GYPB: variants seen among roughly 807,000 people sequenced by gnomAD.
GYPB encodes the protein glycophorin B (MNS blood group), also known as glycophorin-B.
A neutral mutation model predicts 15.3 loss-of-function variants in GYPB; 13 were observed. The observed-to-expected ratio is 0.85, with a 90% CI of 0.55 to 1.35. The LOEUF (loss-of-function observed/expected upper bound fraction) is 1.35. GYPB is among the 40% of genes most tolerant of loss of function. The probability of loss-of-function intolerance (pLI) is 0.00; values close to 1 mark genes in which losing one functional copy is unlikely to be tolerated. For synonymous variants in GYPB, 38 were observed against 36.9 expected (o/e 1.03, Z -0.11); for missense variants, 131 against 108.3 (o/e 1.21, Z -0.93).
intron 1 of GYPB, among the ~76,000 whole-genome samples, chr4:144,010,838 G>C (rs904502096): frequency 2.0e-5 from 3 of 151,394 alleles, no homozygotes; most frequent in African/African-American, 7.4e-5. Context: ...TTCTGAGAGA[G>C]AATGCTTTCA....
chr4:144,009,775 G>A (rs1167229737), intron 1 of GYPB, among the ~76,000 whole-genome samples: 5 of 149,440 alleles, frequency 3.3e-5, no homozygotes, highest in African/African-American at 5.1e-5. Context: ...CACCAAGCCC[G>A]GCTAATTTTT....
intron 1 of GYPB, among the ~76,000 whole-genome samples, chr4:144,013,070 G>C (rs1025477310): frequency 1.3e-5 from 2 of 151,552 alleles, no homozygotes; most frequent in Admixed American, 1.3e-4. Context: ...TCTTTATCCA[G>C]AACATAGAAA....
intron 1 of GYPB, among the ~76,000 whole-genome samples, chr4:144,009,588 A>AT (rs1418008684): frequency 1.2e-5 from 1 of 81,758 alleles, no homozygotes; most frequent in African/African-American, 4.6e-5. Context: ...TATTATTTTG[A>AT]TTTTTTTTCT....
At chr4:144,006,331 T>C (rs1301349917) in intron 1 of GYPB, among the ~76,000 whole-genome samples, 1 of 151,964 alleles carries the variant, frequency 6.6e-6, no homozygotes, top group Non-Finnish European at 1.5e-5. Context: ...CTTATCCCCA[T>C]GTGTTGGGGG....
intron 1 of GYPB, chr4:144,008,338 C>T: frequency 4.4e-6 from 2 of 451,900 alleles, no homozygotes; most frequent in Non-Finnish European, 8.9e-6. Context: ...CTCAAGCAAG[C>T]CTTCACTTCA....
In GYPB at chr4:143,996,289, G is replaced by A; in HGVS notation, c.*10C>T. 1 of 1,550,936 alleles carries A rather than the reference G, an allele frequency of 6.4e-7. No homozygotes were observed. The highest frequency in any genetic ancestry group is 8.7e-7 in the Non-Finnish European group (1 of 1,147,284). ...TCTAGGCAAGATCAGGCAGCATGCA[G>A]GCCACATCCTCATGCCTGTGATAAA... On this transcript the variant is annotated 3_prime_UTR_variant, in exon 5 of 5. Transcript: ENST00000502664.
Position 143,997,578 on chromosome 4 carries a change from T to C in GYPB, c.232A>G (p.Ile78Val). The C allele has an allele frequency of 6.2e-7, 1 of 1,601,284 alleles. No individual in the cohort carries two copies. The highest frequency in any genetic ancestry group is 8.5e-7 in the Non-Finnish European group (1 of 1,170,528). ...LCVMAGIIGT[I>V]LLISYSIRRL... is the part of the protein sequence containing the mutation. ...CGAATACTGTAAGAAATTAAGAGGA[T>C]CGTTCCAATAATACCAGCCATCACA... Residue 78 changes from isoleucine to valine, a missense_variant, in exon 4 of 5, where the codon ATC (isoleucine) becomes GTC (valine). Transcript: ENST00000502664.
chr4:144,009,881 G>A (rs2149965624), intron 1 of GYPB, among the ~76,000 whole-genome samples: 1 of 150,706 alleles, frequency 6.6e-6, no homozygotes, highest in Admixed American at 6.6e-5. Context: ...CCAAAGTGAT[G>A]GGATTACAGG....
chr4:143,995,331 C>T (rs1471332876), downstream of GYPB, among the ~76,000 whole-genome samples: 2 of 151,412 alleles, frequency 1.3e-5, no homozygotes, highest in Non-Finnish European at 1.5e-5. Flanking sequence ...CAATCTCTTA[C>T]TGCTCACTTA....
intron 2 of GYPB, 137 bp from the exon 3 acceptor site, chr4:143,999,586 T>G (rs1371715279): frequency 1.0e-5 from 6 of 601,324 alleles, no homozygotes; most frequent in South Asian, 2.0e-5. Context: ...TTTCAACATC[T>G]AGCTAGTAAC....
At chr4:144,014,600 A>G (rs200319470) in intron 1 of GYPB, among the ~76,000 whole-genome samples, 69 of 151,186 alleles carry the variant, frequency 4.6e-4, no homozygotes, top group Non-Finnish European at 8.5e-4. Context: ...GAGGTAGAAA[A>G]CAAATTAGTG....
intron 1 of GYPB, chr4:144,008,291 G>A (rs1447623395): frequency 1.2e-5 from 5 of 433,164 alleles, no homozygotes; most frequent in Non-Finnish European, 2.3e-5. Flanking sequence ...TTGTCATTGA[G>A]AGATTAAATT....
chr4:144,004,377 T>A (rs1465666288), intron 1 of GYPB, among the ~76,000 whole-genome samples: 4 of 151,974 alleles, frequency 2.6e-5, no homozygotes, highest in Non-Finnish European at 4.4e-5. Context: ...ATACCCATGC[T>A]TGCTTAGTGG....
At chr4:144,003,094 G>A (rs116158479) in intron 1 of GYPB, among the ~76,000 whole-genome samples, 2,038 of 151,232 alleles carry the variant, frequency 0.013, 159 homozygotes, top group African/African-American at 0.048. Flanking sequence ...ACAAATTTTA[G>A]GATTAAAATT....
rs1389711333 is a variant in GYPB, at chr4:144,015,197, C to T, written c.37+4054G>A. 5.3e-5 allele frequency among the ~76,000 whole-genome samples: 8 copies of T among 151,190 alleles called. No individual in the cohort carries two copies. The East Asian group carries it at 1.5e-3, about 29-fold the overall frequency. Reference sequence around the variant, plus strand: ...TGATTATATTATATGGTTCTCTTTGCAGAAAATTTAGAAAGTATTCAAAAT... The same window carrying T: ...TGATTATATTATATGGTTCTCTTTGTAGAAAATTTAGAAAGTATTCAAAAT... On this transcript the variant is annotated intron_variant, in intron 1 of 4. Transcript: ENST00000502664.
At position 144,009,687 on chromosome 4, in the gene GYPB, C is replaced by G. The variant is rs187080387; in HGVS notation, c.38-8404G>C. ...GGAGTGCAGTGGCCCGATCTCCGCT[C>G]ACTGCAAACTCCGCCTCCCGGGTTC... On this transcript the variant is annotated intron_variant, in intron 1 of 4. Transcript: ENST00000502664. Among the ~76,000 whole-genome samples, 1,118 of 122,622 alleles carry G rather than the reference C, an allele frequency of 9.1e-3. 58 individuals carry two copies. The highest frequency in any genetic ancestry group is 0.034 in the African/African-American group (1,065 of 31,644). The allele number at this position is 122,622 out of a possible 152,430, so 80.4% of individuals were successfully genotyped here.
intron 1 of GYPB, among the ~76,000 whole-genome samples, chr4:144,009,766 A>T (rs1016182775): frequency 6.7e-6 from 1 of 149,364 alleles, no homozygotes; most frequent in Non-Finnish European, 1.5e-5. Flanking sequence ...GGCACCCGCC[A>T]CCAAGCCCGG....
chr4:144,002,706 A>G lies in GYPB; in HGVS notation c.38-1423T>C, dbSNP rs115625554. On this transcript the variant is annotated intron_variant, in intron 1 of 4. Coordinates refer to ENST00000502664, the MANE Select transcript of GYPB (RefSeq NM_002100.6). Reference sequence around the variant, plus strand: ...ATGCTCAAAGTTTCCTGGAGAGCACACAAATAACAGAAAACATCTTCTCTG... The same window carrying G: ...ATGCTCAAAGTTTCCTGGAGAGCACGCAAATAACAGAAAACATCTTCTCTG... The G allele has an allele frequency of 2.6e-3, 3,397 of 1,286,372 alleles. 263 individuals are homozygous for G. The African/African-American group carries it at 0.048, about 18-fold the overall frequency. The allele number at this position is 1,286,372 out of a possible 1,614,324, so 79.7% of individuals were successfully genotyped here. A position where few individuals can be genotyped will look rare whatever the true frequency, so the allele number is the denominator to read the frequency against.
intron 1 of GYPB, among the ~76,000 whole-genome samples, chr4:144,006,313 T>A (rs865980059): frequency 6.6e-6 from 1 of 151,952 alleles, no homozygotes; most frequent in Non-Finnish European, 1.5e-5. Context: ...ATTTCACCTC[T>A]CTTGTCTCTT....
Sources: gnomAD v4.1 joint callset for allele counts (sites outside exome capture counted in the v4.1 genomes callset) on GRCh38, gnomAD v4.1.1 for gene constraint, MANE v1.5 for transcripts, NCBI Gene and HGNC (gene_info 2026-07-23, HGNC 2026-07-21) for gene names.